Variants in CYP4V2 observed in about 807,000 individuals in gnomAD.
The protein encoded by CYP4V2 is cytochrome P450 4V2.
In CYP4V2, 55 loss-of-function variants were observed where a neutral mutation model predicts 60.8. That is an observed-to-expected ratio of 0.90 (90% CI 0.73 to 1.13). CYP4V2 has a LOEUF of 1.13. Ranked by LOEUF, CYP4V2 falls within the 50% of genes most tolerant of loss-of-function variation. The pLI, the probability that CYP4V2 is intolerant of heterozygous loss-of-function variation, is 0.00. For synonymous variants in CYP4V2, 239 were observed against 236.8 expected (o/e 1.01, Z -0.08); for missense variants, 675 against 662.9 (o/e 1.02, Z -0.20).
chr4:186,194,687 C>T lies in CYP4V2; in HGVS notation c.327+75C>T, dbSNP rs7682918. The T allele has an allele frequency of 0.35, 470,817 of 1,331,370 alleles. 87,148 individuals carry two copies. The highest frequency in any genetic ancestry group is 0.39 in the Non-Finnish European group (358,787 of 926,806). 82.5% of individuals were successfully genotyped at this position (1,331,370 alleles called of 1,614,324 possible). A position where few individuals can be genotyped will look rare whatever the true frequency, so the allele number is the denominator to read the frequency against. The stretch of plus-strand genomic sequence containing the variant: ...GAGAATCTCACCAGAATCAATATAA[C>T]GTGTCCTTATATTTCAGCCATTTCA... On this transcript the variant is annotated intron_variant, in intron 2 of 10. Transcript: ENST00000378802.
intron 1 of CYP4V2, 77 bp from the exon 2 acceptor site, chr4:186,194,423 A>G: frequency 1.6e-6 from 2 of 1,277,702 alleles, no homozygotes; most frequent in Non-Finnish European, 2.3e-6. Context: ...CATCAAAATG[A>G]GAAAACAAAC....
At position 186,209,256 on chromosome 4, in the gene CYP4V2, C is replaced by A. The variant is rs1261706972; in HGVS notation, c.1389C>A (p.Gly463=). The change falls in exon 10 of 11, where the codon GGC becomes GGA. Residue 463 remains glycine (G), a synonymous_variant. Transcript: ENST00000378802. ...ATGCCTACGTGCCCTTCTCTGCTGG[C>A]CCCAGGAACTGTATAGGTTTGTATC... ...HPYAYVPFSA[G]PRNCIGQKFA... is the part of the protein sequence containing the mutation. The A allele has an allele frequency of 1.9e-6, 3 of 1,613,874 alleles. No individual in the cohort carries two copies. Among genetic ancestry groups the A allele is most frequent in the Non-Finnish European group, 2.5e-6 (3 of 1,179,978 alleles).
chr4:186,208,971 C>T lies in CYP4V2; in HGVS notation c.1197C>T (p.Ala399=), dbSNP rs1304200174. The change falls in exon 9 of 11, where the codon GCC becomes GCT. Residue 399 remains alanine, a synonymous_variant. Coordinates refer to ENST00000378802, the MANE Select transcript of CYP4V2 (RefSeq NM_207352.4). The part of the protein sequence containing the change: ...LRLFPSVPLF[A]RSVSEDCEVA... The stretch of plus-strand genomic sequence containing the variant: ...TTTTTCCTTCTGTTCCTTTATTTGC[C>T]CGTAGTGTTAGTGAAGATTGTGAAG... 1 of 1,614,036 alleles carries T rather than the reference C, an allele frequency of 6.2e-7. No homozygotes were observed. The highest frequency in any genetic ancestry group is 1.1e-5 in the South Asian group (1 of 91,078).
intron 8 of CYP4V2, among the ~76,000 whole-genome samples, chr4:186,207,441 A>AG (rs10671193): frequency 2.0e-5 from 3 of 148,036 alleles, no homozygotes; most frequent in African/African-American, 7.4e-5. Context: ...AAAGAAAGAA[A>AG]AAAACATTTG....
chr4:186,207,621 A>T (rs1023355575), intron 8 of CYP4V2, among the ~76,000 whole-genome samples: 29 of 145,272 alleles, frequency 2.0e-4, no homozygotes, highest in African/African-American at 6.3e-4. Context: ...CTTAAATGTT[A>T]TTTTTTTTTT....
Position 186,208,941 on chromosome 4 carries a change from T to C in CYP4V2, c.1167T>C (p.Leu389=). The C allele has an allele frequency of 6.2e-7, 1 of 1,614,236 alleles. No individual in the cohort carries two copies. The highest frequency in any genetic ancestry group is 8.5e-7 in the Non-Finnish European group (1 of 1,180,040). Residue 389 remains leucine (L), a synonymous_variant, in exon 9 of 11, where the codon CTT becomes CTC. Transcript: ENST00000378802. ...TGGAATGTGTTATTAAGGAGACCCTTCGCCTTTTTCCTTCTGTTCCTTTAT... is the reference window on the plus strand; with the variant it reads ...TGGAATGTGTTATTAAGGAGACCCTCCGCCTTTTTCCTTCTGTTCCTTTAT... ...RYLECVIKET[L]RLFPSVPLFA... is the part of the protein sequence containing the mutation.
rs1408078132 is a variant in CYP4V2, at chr4:186,212,485, A to G, written c.*1844A>G. On this transcript the variant is annotated 3_prime_UTR_variant, in exon 11 of 11. Coordinates refer to ENST00000378802, the MANE Select transcript of CYP4V2 (RefSeq NM_207352.4). ...CCATTATTTTTTAAAACTTCATTTA[A>G]TAGTTTAAACAAGATTGGTTTTGTT... 3.3e-5 allele frequency: 5 copies of G among 152,216 alleles called. No individual in the cohort carries two copies. Among genetic ancestry groups the G allele is most frequent in the African/African-American group, 4.8e-5 (2 of 41,452 alleles). 9.4% of individuals were successfully genotyped at this position (152,216 alleles called of 1,614,324 possible).
chr4:186,199,536 A>G (rs971604984), intron 6 of CYP4V2, among the ~76,000 whole-genome samples: 3 of 152,220 alleles, frequency 2.0e-5, no homozygotes, highest in Admixed American at 6.5e-5. Context: ...AACATGTGAT[A>G]TGAGCTGTGA....
rs1361035287 is a variant in CYP4V2, at chr4:186,195,323, AGAAGGGCAGACAG to A, written c.328-677_328-665del. On this transcript the variant is annotated intron_variant, in intron 2 of 10. Coordinates refer to ENST00000378802, the MANE Select transcript of CYP4V2 (RefSeq NM_207352.4). The surrounding 1 kb of genome is among the most constrained non-coding windows in gnomAD (Gnocchi z 4.1). ...GAATCCTGGCTCAGAGAAGAGAGCA[AGAAGGGCAGACAG>A]GATTTCTGCCGCTGTTGGCCTAGTG... Among the ~76,000 whole-genome samples, 2 of 152,208 alleles carry A rather than the reference AGAAGGGCAGACAG, an allele frequency of 1.3e-5. No homozygotes were observed. The highest frequency in any genetic ancestry group is 6.5e-5 in the Admixed American group (1 of 15,286).
Position 186,210,488 on chromosome 4 carries a change from G to A in CYP4V2, c.1425G>A (p.Met475Ile). The part of the protein sequence containing the change: ...RNCIGQKFAV[M>I]EEKTILSCIL... Reference sequence around the variant, plus strand: ...TTGAAGGTCAAAAGTTTGCTGTGATGGAAGAAAAGACCATTCTTTCGTGCA... The same window carrying A: ...TTGAAGGTCAAAAGTTTGCTGTGATAGAAGAAAAGACCATTCTTTCGTGCA... The change falls in exon 11 of 11, where the codon ATG becomes ATA. Residue 475 changes from methionine to isoleucine, a missense_variant. By Grantham distance (10) the Met-to-Ile change is conservative (BLOSUM62 1). Transcript: ENST00000378802. 6.2e-7 allele frequency: 1 copy of A among 1,614,146 alleles called. No homozygotes were observed. Among genetic ancestry groups the A allele is most frequent in the African/African-American group, 1.3e-5 (1 of 75,046 alleles).
At chr4:186,197,219 G>C (rs1169762967) in intron 4 of CYP4V2, 89 bp downstream of exon 4, 1 of 1,485,976 alleles carries the variant, frequency 6.7e-7, no homozygotes, top group Non-Finnish European at 9.3e-7. Context: ...AGGCAAATGG[G>C]GGGACGGGAA....
intron 6 of CYP4V2, among the ~76,000 whole-genome samples, chr4:186,200,531 T>A (rs1736276422): frequency 6.6e-6 from 1 of 152,132 alleles, no homozygotes; most frequent in South Asian, 2.1e-4. Flanking sequence ...GACAGAAGTA[T>A]CACATAATGT....
At chr4:186,199,907 T>C (rs1157955581) in intron 6 of CYP4V2, among the ~76,000 whole-genome samples, 3 of 152,204 alleles carry the variant, frequency 2.0e-5, no homozygotes, top group East Asian at 3.8e-4. Flanking sequence ...TTAAAATCTA[T>C]TGGAGTTATG....
At position 186,195,959 on chromosome 4, in the gene CYP4V2, T is replaced by C. The variant is rs1041538731; in HGVS notation, c.328-44T>C. ...TATTCCTATAATTACAGGAAGGTTG[T>C]TTGATGTCTGTATGTCTCTAAAGTA... On this transcript the variant is annotated intron_variant, in intron 2 of 10. Coordinates refer to ENST00000378802, the MANE Select transcript of CYP4V2 (RefSeq NM_207352.4). This position sits in a 1 kb window ranked among gnomAD's most constrained non-coding sequence, Gnocchi z 4.1. The C allele has an allele frequency of 2.1e-6, 3 of 1,404,992 alleles. No individual in the cohort carries two copies. Among genetic ancestry groups the C allele is most frequent in the Admixed American group, 3.4e-5 (2 of 59,330 alleles). The allele number at this position is 1,404,992 out of a possible 1,614,324, so 87.0% of individuals were successfully genotyped here.
chr4:186,209,401 C>T, intron 10 of CYP4V2, 129 bp downstream of exon 10: 1 of 1,160,176 alleles, frequency 8.6e-7, no homozygotes. Context: ...TAGGTGGTTT[C>T]TTTTTTCCCT....
intron 8 of CYP4V2, among the ~76,000 whole-genome samples, chr4:186,208,292 G>C (rs572888415): frequency 6.6e-6 from 1 of 151,064 alleles, no homozygotes; most frequent in African/African-American, 2.4e-5. Flanking sequence ...TGATCCACGT[G>C]TTCTTCTTTG....
In CYP4V2 at chr4:186,191,691, G is replaced by C. The variant is rs562885669; in HGVS notation, c.-133G>C. On this transcript the variant is annotated 5_prime_UTR_variant, in exon 1 of 11. Transcript: ENST00000378802. Reference sequence around the variant, plus strand: ...GGCGGGAAACGTCGTTCCGGGGACCGGGCGACCCCGCAGCGGGGAGCGCGC... The same window carrying C: ...GGCGGGAAACGTCGTTCCGGGGACCCGGCGACCCCGCAGCGGGGAGCGCGC... The C allele has an allele frequency of 4.7e-6, 4 of 855,708 alleles. No homozygotes were observed. Among genetic ancestry groups the C allele is most frequent in the Non-Finnish European group, 6.1e-6 (4 of 651,274 alleles). The allele number at this position is 855,708 out of a possible 1,614,324, so 53.0% of individuals were successfully genotyped here.
In CYP4V2 at chr4:186,197,066, C is replaced by T. The variant is rs1170370532; in HGVS notation, c.540C>T (p.His180=). The change falls in exon 4 of 11, where the codon CAC becomes CAT. Residue 180 remains histidine, a synonymous_variant. Transcript: ENST00000378802. The stretch of plus-strand genomic sequence containing the variant: ...TATTGGTTAAGAAACTTGAAAAACA[C>T]ATTAACCAAGAAGCATTTAACTGCT... ...ANILVKKLEK[H]INQEAFNCFF... 2 of 1,613,672 alleles carry T rather than the reference C, an allele frequency of 1.2e-6. No individual in the cohort carries two copies. Among genetic ancestry groups the T allele is most frequent in the Non-Finnish European group, 1.7e-6 (2 of 1,179,956 alleles).
At chr4:186,204,853 T>C (rs1326245525) in intron 7 of CYP4V2, 4 of 377,196 alleles carry the variant, frequency 1.1e-5, no homozygotes, top group Admixed American at 3.7e-5. Flanking sequence ...GGCAGAGAAG[T>C]ACAGCCCTGA....
Sources: gnomAD v4.1 joint callset for allele counts (sites outside exome capture counted in the v4.1 genomes callset) on GRCh38, gnomAD v4.1.1 for gene constraint, Gnocchi (gnomAD v3.1) non-coding constraint, MANE v1.5 for transcripts, NCBI Gene and HGNC (gene_info 2026-07-23, HGNC 2026-07-21) for gene names.